Variants in PRKD2 observed in about 807,000 individuals in gnomAD.
PRKD2 encodes protein kinase D2, also known as serine/threonine-protein kinase D2.
Under a neutral mutation model 86.0 loss-of-function variants are expected in PRKD2, and 22 were observed. That is an observed-to-expected ratio of 0.26 (90% CI 0.18 to 0.37). The LOEUF is 0.37. PRKD2 is among the 10% of genes least tolerant of loss of function. PRKD2 has a pLI of 1.00. For synonymous variants in PRKD2, 509 were observed against 510.9 expected (o/e 1.00, Z 0.05); for missense variants, 818 against 1,199.2 (o/e 0.68, Z 4.70).
At chr19:46,681,238 G>T (rs1191262245) in intron 15 of PRKD2, among the ~76,000 whole-genome samples, 5 of 148,910 alleles carry the variant, frequency 3.4e-5, no homozygotes, top group Non-Finnish European at 7.4e-5. Context: ...TTACAGGCGT[G>T]AGCCACCGCA....
chr19:46,694,068 G>GCAC lies in PRKD2; in HGVS notation c.1382_1383insGTG (p.Gly461_Thr462insCys). Reference sequence around the variant, plus strand: ...CGATCTCAAAGCAGTGTGGGTTGGTGCCCGGCGGCACAAGGCTGAAGTTCT... The same window carrying GCAC: ...CGATCTCAAAGCAGTGTGGGTTGGTGCACCCCGGCGGCACAAGGCTGAAGTTCT... On this transcript the variant is annotated inframe_insertion, in exon 10 of 18. Coordinates refer to ENST00000291281, the MANE Select transcript of PRKD2 (RefSeq NM_016457.5). 6.2e-7 allele frequency: 1 copy of GCAC among 1,614,168 alleles called. No homozygotes were observed. Among genetic ancestry groups the GCAC allele is most frequent in the Non-Finnish European group, 8.5e-7 (1 of 1,180,034 alleles).
rs867740512 is a variant in PRKD2 at position 46,697,342 on chromosome 19, G to C, written c.1240-108C>G. On this transcript the variant is annotated intron_variant, in intron 8 of 17. Transcript: ENST00000291281. ...GTGCCTGGAGCACCACGTGCACGCC[G>C]TAACTCTAGCACCTACCCCACGCCG... 1.6e-4 allele frequency: 132 copies of C among 802,914 alleles called. 1 individual carries two copies. The highest frequency in any genetic ancestry group is 7.5e-4 in the Middle Eastern group (2 of 2,680). 49.7% of individuals were successfully genotyped at this position (802,914 alleles called of 1,614,324 possible). A position where few individuals can be genotyped will look rare whatever the true frequency, so the allele number is the denominator to read the frequency against.
intron 2 of PRKD2, 51 bp downstream of exon 2, chr19:46,713,812 T>G: frequency 8.7e-6 from 7 of 804,654 alleles, no homozygotes; most frequent in Non-Finnish European, 5.5e-6. Context: ...CTCCCCCAGA[T>G]GCCCCGCCCC....
chr19:46,708,757 C>T (rs2053755252), intron 3 of PRKD2, among the ~76,000 whole-genome samples: 1 of 152,148 alleles, frequency 6.6e-6, no homozygotes, highest in South Asian at 2.1e-4. Context: ...TCTTTCCAGC[C>T]TCTCACAATT....
intron 3 of PRKD2, among the ~76,000 whole-genome samples, chr19:46,709,998 A>C (rs1436811518): frequency 6.6e-6 from 1 of 151,176 alleles, no homozygotes. Flanking sequence ...CTCAGGTCCA[A>C]GCAATTCTCC....
At chr19:46,697,903 G>A in intron 7 of PRKD2, 53 bp from the exon 8 acceptor site, 1 of 1,400,276 alleles carries the variant, frequency 7.1e-7, no homozygotes, top group Non-Finnish European at 1.0e-6. Flanking sequence ...TGACCATGCT[G>A]CTTGGGAATG....
chr19:46,714,101 C>A, intron 1 of PRKD2, 100 bp from the exon 2 acceptor site: 1 of 1,472,850 alleles, frequency 6.8e-7, no homozygotes, highest in Non-Finnish European at 9.1e-7. Flanking sequence ...CTGTTTCCCC[C>A]GGAAACGCAG....
chr19:46,677,841 C>A (rs1209615940), intron 16 of PRKD2, among the ~76,000 whole-genome samples: 7 of 152,204 alleles, frequency 4.6e-5, no homozygotes, highest in Admixed American at 4.6e-4. Flanking sequence ...GGCCACGTCC[C>A]TAGACTGGCT....
Position 46,694,002 on chromosome 19 carries a change from G to C in PRKD2, c.1449C>G (p.Gly483=), listed in dbSNP as rs200398508. Residue 483 remains glycine, a synonymous_variant, in exon 10 of 18, where the codon GGC becomes GGG. Coordinates refer to ENST00000291281, the MANE Select transcript of PRKD2 (RefSeq NM_016457.5). The part of the protein sequence containing the change: ...NATYFVGEMP[G]GTPGGPSGQG... ...GCCCACTTGGCCCACCCGGAGTCCCGCCAGGCATCTCGCCCACGAAGTAGG... is the reference window on the plus strand; with the variant it reads ...GCCCACTTGGCCCACCCGGAGTCCCCCCAGGCATCTCGCCCACGAAGTAGG... The C allele has an allele frequency of 4.3e-6, 7 of 1,613,836 alleles. No individual in the cohort carries two copies. In the East Asian group the frequency reaches 1.6e-4, roughly 36 times the overall value.
At chr19:46,686,814 G>T (rs1599817891) in intron 14 of PRKD2, among the ~76,000 whole-genome samples, 1 of 152,074 alleles carries the variant, frequency 6.6e-6, no homozygotes, top group African/African-American at 2.4e-5. Context: ...AGCCGGGCGT[G>T]GTGGTGGGCA....
chr19:46,691,615 T>C, intron 12 of PRKD2, 120 bp downstream of exon 12: 2 of 977,130 alleles, frequency 2.0e-6, no homozygotes, highest in Non-Finnish European at 3.3e-6. Context: ...CCAATCAACA[T>C]GGGAGGTGAG....
At chr19:46,698,314 C>T (rs2053589976) in intron 7 of PRKD2, among the ~76,000 whole-genome samples, 1 of 152,170 alleles carries the variant, frequency 6.6e-6, no homozygotes. Context: ...CCATCCGCCT[C>T]GGCCTCCCAG....
At chr19:46,704,106 G>A in intron 5 of PRKD2, 63 bp downstream of exon 5, 4 of 1,600,524 alleles carry the variant, frequency 2.5e-6, no homozygotes, top group Non-Finnish European at 3.4e-6. Flanking sequence ...CCTGCCACAA[G>A]ACCAGGTTGG....
intron 3 of PRKD2, among the ~76,000 whole-genome samples, chr19:46,708,910 G>A (rs1228610178): frequency 1.3e-5 from 2 of 151,996 alleles, no homozygotes; most frequent in Non-Finnish European, 2.9e-5. Context: ...GCTTGGCTAG[G>A]CGAGATCCAC....
chr19:46,697,425 C>T, intron 8 of PRKD2, 191 bp from the exon 9 acceptor site: 1 of 593,576 alleles, frequency 1.7e-6, no homozygotes. Flanking sequence ...TAACCCTAGC[C>T]CAGCCCCCAC....
intron 9 of PRKD2, among the ~76,000 whole-genome samples, chr19:46,694,943 T>C (rs1031231073): frequency 1.3e-5 from 2 of 152,122 alleles, no homozygotes; most frequent in South Asian, 2.1e-4. Flanking sequence ...GCCACAAGCC[T>C]GTAATCCCAG....
chr19:46,698,119 A>T (rs1599830118), intron 7 of PRKD2, among the ~76,000 whole-genome samples: 2 of 152,106 alleles, frequency 1.3e-5, no homozygotes, highest in African/African-American at 4.8e-5. Flanking sequence ...CTCGTGCCTC[A>T]GCCTCCTGAG....
At chr19:46,680,547 C>T (rs1281578245) in intron 15 of PRKD2, among the ~76,000 whole-genome samples, 2 of 152,072 alleles carry the variant, frequency 1.3e-5, no homozygotes, top group Non-Finnish European at 2.9e-5. Context: ...CCTCAGCCTC[C>T]CAAAGTGCTG....
chr19:46,681,191 C>T (rs1344413015), intron 15 of PRKD2, among the ~76,000 whole-genome samples: 2 of 148,062 alleles, frequency 1.4e-5, no homozygotes, highest in Admixed American at 6.8e-5. Flanking sequence ...CTCCTGACCT[C>T]GTGAACTGCC....
Sources: gnomAD v4.1 joint callset for allele counts (sites outside exome capture counted in the v4.1 genomes callset) on GRCh38, gnomAD v4.1.1 for gene constraint, MANE v1.5 for transcripts, NCBI Gene and HGNC (gene_info 2026-07-23, HGNC 2026-07-21) for gene names.